GLIS3: variants seen among roughly 807,000 people sequenced by gnomAD.
GLIS3 encodes GLIS family zinc finger 3, also known as zinc finger protein GLIS3.
Under a neutral mutation model 78.6 loss-of-function variants are expected in GLIS3, and 53 were observed. The ratio of observed to expected loss-of-function variants is 0.67; its 90% CI spans 0.54 to 0.85. GLIS3 has a LOEUF of 0.85. GLIS3 is among the 40% of genes least tolerant of loss of function. The pLI is 0.00. For missense variants in GLIS3, 1,703 were observed against 1,231.1 expected, an observed-to-expected ratio of 1.38 and a Z score of -5.74; for synonymous variants, 684 against 509.9, an observed-to-expected ratio of 1.34 and a Z score of -4.60.
the GLIS3 span, among the ~76,000 whole-genome samples, chr9:4,405,991 A>T: frequency 6.6e-6 from 1 of 152,262 alleles, no homozygotes; most frequent in Non-Finnish European, 1.5e-5. Context: ...TGGATGCTGA[A>T]AAAGCATTTG....
At chr9:4,059,735 T>A (rs1798491832) in intron 4 of GLIS3, among the ~76,000 whole-genome samples, 1 of 151,828 alleles carries the variant, frequency 6.6e-6, no homozygotes, top group Admixed American at 6.6e-5. Context: ...TTGCCAGCAC[T>A]TTGCCAGGGA....
intron 4 of GLIS3, among the ~76,000 whole-genome samples, chr9:4,039,443 G>C (rs765790362): frequency 1.3e-5 from 2 of 152,198 alleles, no homozygotes; most frequent in Non-Finnish European, 2.9e-5. Context: ...TATGTGGAAA[G>C]AGGCCTGTGC....
upstream of GLIS3, among the ~76,000 whole-genome samples, chr9:4,351,024 C>T (rs1447526616): frequency 6.6e-6 from 1 of 152,134 alleles, no homozygotes; most frequent in African/African-American, 2.4e-5. Flanking sequence ...TATCTATATA[C>T]AAGGCCTTGA....
intron 2 of GLIS3, among the ~76,000 whole-genome samples, chr9:4,198,241 G>C (rs1375929388): frequency 1.3e-5 from 2 of 151,980 alleles, no homozygotes; most frequent in African/African-American, 4.8e-5. Context: ...GGTTGAAAAA[G>C]CAACACAAAG....
chr9:3,877,001 A>G (rs1431457750), intron 8 of GLIS3, among the ~76,000 whole-genome samples: 1 of 151,982 alleles, frequency 6.6e-6, no homozygotes, highest in Non-Finnish European at 1.5e-5. Context: ...CTTTTTCTAC[A>G]TGTATTCTTT....
intron 4 of GLIS3, among the ~76,000 whole-genome samples, chr9:4,085,851 C>T (rs1341480842): frequency 6.6e-6 from 1 of 152,156 alleles, no homozygotes; most frequent in Non-Finnish European, 1.5e-5. Context: ...GTAGAAACTT[C>T]CTGAGGCCTC....
chr9:4,251,096 G>A (rs1025514671), intron 2 of GLIS3, among the ~76,000 whole-genome samples: 1 of 152,180 alleles, frequency 6.6e-6, no homozygotes, highest in Non-Finnish European at 1.5e-5. Flanking sequence ...ATTTGAGGTG[G>A]AGAGTTCTGT....
At chr9:3,843,825 T>C (rs1180475624) in intron 9 of GLIS3, among the ~76,000 whole-genome samples, 1 of 152,164 alleles carries the variant, frequency 6.6e-6, no homozygotes, top group Non-Finnish European at 1.5e-5. Flanking sequence ...TAAGAACTTA[T>C]TTTGGGATGT....
At position 4,299,825 on chromosome 9, in the gene GLIS3, G is replaced by C. The variant is rs1195374338; in HGVS notation, c.-503C>G. ...CGTCCTGGGCCGGGGAATGCTTCTG[G>C]GGGCCGACCCCGGGATGCTGGCTAA... On this transcript the variant is annotated 5_prime_UTR_variant, in exon 1 of 11. Coordinates refer to ENST00000381971, the MANE Select transcript of GLIS3 (RefSeq NM_001042413.2). 3 of 152,508 alleles carry C rather than the reference G, an allele frequency of 2.0e-5. No individual in the cohort carries two copies. The highest frequency in any genetic ancestry group is 4.4e-5 in the Non-Finnish European group (3 of 68,324). 9.4% of individuals were successfully genotyped at this position (152,508 alleles called of 1,614,324 possible).
the GLIS3 span, among the ~76,000 whole-genome samples, chr9:4,489,825 G>C: frequency 5.9e-5 from 9 of 152,334 alleles, no homozygotes; most frequent in Admixed American, 4.6e-4. Context: ...ATCTCCTTGT[G>C]CAGGGAACAC....
chr9:4,107,113 T>C (rs1830816668), intron 4 of GLIS3, among the ~76,000 whole-genome samples: 1 of 152,142 alleles, frequency 6.6e-6, no homozygotes, highest in African/African-American at 2.4e-5. Flanking sequence ...TCTTTAAAGC[T>C]CTTTGATGAG....
chr9:3,853,878 A>T (rs1396010054), intron 9 of GLIS3, among the ~76,000 whole-genome samples: 1 of 152,232 alleles, frequency 6.6e-6, no homozygotes, highest in Non-Finnish European at 1.5e-5. Flanking sequence ...AGTTGTAATC[A>T]AAATGTGTTA....
intron 2 of GLIS3, among the ~76,000 whole-genome samples, chr9:4,244,539 G>A (rs1375958746): frequency 1.3e-5 from 2 of 152,146 alleles, no homozygotes; most frequent in Non-Finnish European, 2.9e-5. Context: ...TGCTGAATCA[G>A]ATGTGAGGTA....
At chr9:4,113,989 C>T (rs1831426065) in intron 4 of GLIS3, among the ~76,000 whole-genome samples, 1 of 149,684 alleles carries the variant, frequency 6.7e-6, no homozygotes, top group Non-Finnish European at 1.5e-5. Flanking sequence ...AAAATTCATC[C>T]AGGAAAAATA....
the GLIS3 span, among the ~76,000 whole-genome samples, chr9:4,433,262 T>C: frequency 6.6e-6 from 1 of 152,064 alleles, no homozygotes; most frequent in African/African-American, 2.4e-5. Context: ...TGAAACCCTG[T>C]CTCTACTAAA....
At chr9:4,318,800 T>C (rs914005559) in intron 2 of GLIS3, among the ~76,000 whole-genome samples, 6 of 152,332 alleles carry the variant, frequency 3.9e-5, no homozygotes, top group Middle Eastern at 6.8e-3. Context: ...AGGTGAAAGT[T>C]TGTTGGTGAA....
intron 2 of GLIS3, among the ~76,000 whole-genome samples, chr9:4,264,130 C>G (rs1234209890): frequency 6.6e-6 from 1 of 152,228 alleles, no homozygotes; most frequent in Non-Finnish European, 1.5e-5. Context: ...AACCTGATCT[C>G]TGACCCCCAA....
intron 4 of GLIS3, among the ~76,000 whole-genome samples, chr9:4,096,678 G>T (rs1829975372): frequency 6.6e-6 from 1 of 152,112 alleles, no homozygotes; most frequent in African/African-American, 2.4e-5. Flanking sequence ...AGAGGAGAGG[G>T]GAGAGGTAGA....
Position 3,879,423 on chromosome 9 carries a change from T to C in GLIS3, c.2297+4A>G. On this transcript the variant is annotated splice_donor_region_variant and intron_variant, in intron 8 of 10. Coordinates refer to ENST00000381971, the MANE Select transcript of GLIS3 (RefSeq NM_001042413.2). The stretch of plus-strand genomic sequence containing the variant: ...TATTAGGAGAGAGAGACAGATGGCC[T>C]TACCTCTCAGCTCCTGCGTCCACAG... 6.2e-7 allele frequency: 1 copy of C among 1,613,836 alleles called. No homozygotes were observed.
Sources: gnomAD v4.1 joint callset for allele counts (sites outside exome capture counted in the v4.1 genomes callset) on GRCh38, gnomAD v4.1.1 for gene constraint, MANE v1.5 for transcripts, NCBI Gene and HGNC (gene_info 2026-07-23, HGNC 2026-07-21) for gene names.